Variants in ZSWIM9 observed in about 807,000 individuals in gnomAD.
The protein encoded by ZSWIM9 is uncharacterized protein ZSWIM9.
ZSWIM9 carries 11 observed loss-of-function variants against 25.0 expected under a neutral mutation model. That is an observed-to-expected ratio of 0.44 (90% CI 0.28 to 0.73). The LOEUF is 0.73. Ranked by LOEUF, ZSWIM9 falls within the 30% of genes least tolerant of loss-of-function variation. The probability of loss-of-function intolerance (pLI) is 0.16; values close to 1 mark genes in which losing one functional copy is unlikely to be tolerated. For missense variants in ZSWIM9, 1,070 were observed against 1,296.5 expected, an observed-to-expected ratio of 0.83 and a Z score of 2.68; for synonymous variants, 562 against 582.1, an observed-to-expected ratio of 0.97 and a Z score of 0.50.
In ZSWIM9 at chr19:48,195,559, G is replaced by A; in HGVS notation, c.1495G>A (p.Ala499Thr). 4.2e-6 allele frequency: 6 copies of A among 1,417,242 alleles called. No individual in the cohort carries two copies. The highest frequency in any genetic ancestry group is 5.5e-6 in the Non-Finnish European group (6 of 1,091,436). 87.8% of individuals were successfully genotyped at this position (1,417,242 alleles called of 1,614,324 possible). A position where few individuals can be genotyped will look rare whatever the true frequency, so the allele number is the denominator to read the frequency against. Residue 499 changes from alanine to threonine, a missense_variant, in exon 4 of 4, where the codon GCA (alanine) becomes ACA (threonine). Around this residue, in one of 4 missense-constraint regions of ZSWIM9, gnomAD observed 583 missense variants for 624.7 expected, o/e 0.93. Coordinates refer to ENST00000614654, the MANE Select transcript of ZSWIM9 (RefSeq NM_199341.4). This position sits in a 1 kb window ranked among gnomAD's most constrained non-coding sequence, Gnocchi z 5.8. ...CCAGATGGAGAAGGAGTGGGCAAGG[G>A]CACTGGAAACCAGAGACTGGGGCGG... ...GAQMEKEWAR[A>T]LETRDWGGAQ...
chr19:48,183,143 GTCACCCAGGCTGGAGTGCTCTA>G (rs917380579), intron 3 of ZSWIM9: 31 of 169,084 alleles, frequency 1.8e-4, no homozygotes, highest in Non-Finnish European at 3.2e-4. Context: ...GTCTCACTCT[GTCACCCAGGCTGGAGTGCTCTA>G]TCACCCAGGC....
In ZSWIM9 at chr19:48,183,489, G is replaced by C. The variant is rs1000071585; in HGVS notation, c.588+722G>C. Among the ~76,000 whole-genome samples, 11 of 152,102 alleles carry C rather than the reference G, an allele frequency of 7.2e-5. 1 individual carries two copies. In the South Asian group the frequency reaches 2.3e-3, roughly 32 times the overall value. ...CTATGGCTATTGGCTGCCTTGCAGA[G>C]GTAACTGCCAGAACGCCCCTGCAGT... On this transcript the variant is annotated intron_variant, in intron 3 of 3. Coordinates refer to ENST00000614654, the MANE Select transcript of ZSWIM9 (RefSeq NM_199341.4).
chr19:48,187,582 ATATT>A (rs1568579907), intron 3 of ZSWIM9: 69 of 67,548 alleles, frequency 1.0e-3, no homozygotes, highest in Admixed American at 2.0e-3. Flanking sequence ...TATATATTAT[ATATT>A]ATATAATATA....
chr19:48,197,174 TG>T lies in ZSWIM9; in HGVS notation c.*351del. ...GGGGGAGGGGGAGGAAGCGATCATA[TG>T]GGGAGTGTCTGGCAAGAGTAGACTG... On this transcript the variant is annotated 3_prime_UTR_variant, in exon 4 of 4. Transcript: ENST00000614654. The T allele has an allele frequency of 1.5e-6, 1 of 686,692 alleles. No individual in the cohort carries two copies. Among genetic ancestry groups the T allele is most frequent in the Non-Finnish European group, 2.6e-6 (1 of 378,404 alleles). The allele number at this position is 686,692 out of a possible 1,614,324, so 42.5% of individuals were successfully genotyped here. A position where few individuals can be genotyped will look rare whatever the true frequency, so the allele number is the denominator to read the frequency against.
At chr19:48,172,560 C>A (rs1230395348) in intron 2 of ZSWIM9, among the ~76,000 whole-genome samples, 1 of 152,184 alleles carries the variant, frequency 6.6e-6, no homozygotes, top group South Asian at 2.1e-4. Context: ...GTCACTCAGG[C>A]TGGAGTGCAA....
intron 3 of ZSWIM9, chr19:48,187,550 ATATATATTATATATAATATTATATATAT>A (rs1241877336): frequency 3.3e-5 from 1 of 30,508 alleles, no homozygotes; most frequent in Non-Finnish European, 6.7e-5. Flanking sequence ...ATATTATATT[ATATATATTATATATAATATTATATATAT>A]TATATATTAT....
Position 48,180,565 on chromosome 19 carries a change from T to C in ZSWIM9, c.276-1890T>C, listed in dbSNP as rs143736053. Among the ~76,000 whole-genome samples, 810 of 152,172 alleles carry C rather than the reference T, an allele frequency of 5.3e-3. 6 individuals carry two copies. The highest frequency in any genetic ancestry group is 0.018 in the African/African-American group (728 of 41,514). On this transcript the variant is annotated intron_variant, in intron 2 of 3. Transcript: ENST00000614654. The stretch of plus-strand genomic sequence containing the variant: ...GAACCTTTGTGATGACATTTGGGCC[T>C]ACCTGGGTAATCCAGACTCTCCCCA...
chr19:48,196,451 A>C lies in ZSWIM9; in HGVS notation c.2387A>C (p.Gln796Pro). 1.6e-6 allele frequency: 2 copies of C among 1,232,564 alleles called. No individual in the cohort carries two copies. The highest frequency in any genetic ancestry group is 2.0e-6 in the Non-Finnish European group (2 of 988,346). 76.4% of individuals were successfully genotyped at this position (1,232,564 alleles called of 1,614,324 possible). Residue 796 changes from glutamine (Q) to proline (P), a missense_variant, in exon 4 of 4, where the codon CAG becomes CCG. Around this residue, in one of 4 missense-constraint regions of ZSWIM9, gnomAD observed 583 missense variants for 624.7 expected, o/e 0.93. Transcript: ENST00000614654. ...CACCTGGCTGCAGGTGACGGCCTGCAGGAAGGAGGCGAAGATGGCCCCAGG... is the reference window on the plus strand; with the variant it reads ...CACCTGGCTGCAGGTGACGGCCTGCCGGAAGGAGGCGAAGATGGCCCCAGG... ...SEHLAAGDGL[Q>P]EGGEDGPREP...
chr19:48,194,269 A>C lies in ZSWIM9; in HGVS notation c.589-384A>C, dbSNP rs891003048. Among the ~76,000 whole-genome samples the C allele has an allele frequency of 3.3e-5, 5 of 152,080 alleles. No homozygotes were observed. The highest frequency in any genetic ancestry group is 6.5e-5 in the Admixed American group (1 of 15,272). ...GAAGGTGCATTTCTGTCCAGGTCCCAAGAACCGATGGTGATGCTGCTGGTC... is the reference window on the plus strand; with the variant it reads ...GAAGGTGCATTTCTGTCCAGGTCCCCAGAACCGATGGTGATGCTGCTGGTC... On this transcript the variant is annotated intron_variant, in intron 3 of 3. Coordinates refer to ENST00000614654, the MANE Select transcript of ZSWIM9 (RefSeq NM_199341.4). This position sits in a 1 kb window ranked among gnomAD's most constrained non-coding sequence, Gnocchi z 6.0.
chr19:48,171,391 C>T (rs1218242139), intron 1 of ZSWIM9: 1 of 985,074 alleles, frequency 1.0e-6, no homozygotes, highest in African/African-American at 1.7e-5. Context: ...AGAAGTTACT[C>T]TTGGGTGAGA....
chr19:48,192,467 A>AG (rs1186774255), intron 3 of ZSWIM9, among the ~76,000 whole-genome samples: 1 of 37,160 alleles, frequency 2.7e-5, no homozygotes, highest in Non-Finnish European at 5.4e-5. Flanking sequence ...AAAAAAAAAA[A>AG]AAAAAAAAAA....
rs1326527836 is a variant in ZSWIM9, at chr19:48,171,964, G to T, written c.162G>T (p.Ala54=). 1 of 1,535,778 alleles carries T rather than the reference G, an allele frequency of 6.5e-7. No homozygotes were observed. Among genetic ancestry groups the T allele is most frequent in the East Asian group, 2.4e-5 (1 of 40,896 alleles). Residue 54 remains alanine (A), a synonymous_variant, in exon 2 of 4, where the codon GCG becomes GCT. Coordinates refer to ENST00000614654, the MANE Select transcript of ZSWIM9 (RefSeq NM_199341.4). Reference sequence around the variant, plus strand: ...TCGTCAAGAGCTCCATGCACCTGGCGCGCTGCCGCTGGGCCAGTGCGCCCC... The same window carrying T: ...TCGTCAAGAGCTCCATGCACCTGGCTCGCTGCCGCTGGGCCAGTGCGCCCC... ...LFFVKSSMHL[A]RCRWASAPPL... is the part of the protein sequence containing the mutation.
chr19:48,194,973 T>C lies in ZSWIM9; in HGVS notation c.909T>C (p.Pro303=). 3 of 1,332,968 alleles carry C rather than the reference T, an allele frequency of 2.3e-6. No homozygotes were observed. The highest frequency in any genetic ancestry group is 2.8e-4 in the Middle Eastern group (1 of 3,528). The allele number at this position is 1,332,968 out of a possible 1,614,324, so 82.6% of individuals were successfully genotyped here. The change falls in exon 4 of 4, where the codon CCT becomes CCC. Residue 303 remains proline (P), a synonymous_variant. Coordinates refer to ENST00000614654, the MANE Select transcript of ZSWIM9 (RefSeq NM_199341.4). This position sits in a 1 kb window ranked among gnomAD's most constrained non-coding sequence, Gnocchi z 6.0. ...GGCCCGAGGTGGCGGCGCAGTTGCCTGCAGTGCGCCAGCTGCTGCCCTGCG... is the reference window on the plus strand; with the variant it reads ...GGCCCGAGGTGGCGGCGCAGTTGCCCGCAGTGCGCCAGCTGCTGCCCTGCG... ...TAGPEVAAQL[P]AVRQLLPCAR...
intron 2 of ZSWIM9, among the ~76,000 whole-genome samples, chr19:48,177,085 T>A (rs989885566): frequency 2.0e-5 from 3 of 150,028 alleles, no homozygotes; most frequent in Middle Eastern, 3.4e-3. Flanking sequence ...AAATAAAAAT[T>A]AAAAAAAAAT....
At chr19:48,180,741 T>C (rs938684698) in intron 2 of ZSWIM9, 1 of 147,656 alleles carries the variant, frequency 6.8e-6, no homozygotes, top group Admixed American at 6.7e-5. Context: ...TTCTTTTTCT[T>C]TTTTTCTTTT....
At chr19:48,186,068 T>C (rs1386485706) in intron 3 of ZSWIM9, among the ~76,000 whole-genome samples, 1 of 152,182 alleles carries the variant, frequency 6.6e-6, no homozygotes, top group East Asian at 1.9e-4. Flanking sequence ...ACAGAATGCT[T>C]AATGAGGCCA....
At position 48,182,526 on chromosome 19, in the gene ZSWIM9, C is replaced by T. The variant is rs1277231836; in HGVS notation, c.347C>T (p.Thr116Met). Residue 116 changes from threonine to methionine, a missense_variant, in exon 3 of 4, where the codon ACG (threonine) becomes ATG (methionine). Transcript: ENST00000614654. This position sits in a 1 kb window ranked among gnomAD's most constrained non-coding sequence, Gnocchi z 4.6. ...CCGCTGCGGGACCGCCTCGTGGTGA[C>T]GGAGTGCCAGCTGACCCACTCACAC... ...LSPLRDRLVVTECQLTHSHPA... is the reference protein window; with the variant it reads ...LSPLRDRLVVMECQLTHSHPA... The T allele has an allele frequency of 4.6e-6, 7 of 1,535,900 alleles. No individual in the cohort carries two copies. The highest frequency in any genetic ancestry group is 5.2e-6 in the Non-Finnish European group (6 of 1,146,742).
At chr19:48,179,413 A>G (rs1026301754) in intron 2 of ZSWIM9, among the ~76,000 whole-genome samples, 6 of 152,010 alleles carry the variant, frequency 3.9e-5, no homozygotes, top group African/African-American at 1.5e-4. Flanking sequence ...AGGTGAAGTG[A>G]TCCTCCTGCC....
At chr19:48,176,991 C>G (rs1167157267) in intron 2 of ZSWIM9, among the ~76,000 whole-genome samples, 2 of 151,808 alleles carry the variant, frequency 1.3e-5, no homozygotes, top group Non-Finnish European at 2.9e-5. Context: ...AGGAGAATTG[C>G]TTGATCCTGG....
Sources: allele counts gnomAD v4.1 joint callset (sites outside exome capture counted in the v4.1 genomes callset), GRCh38; gene constraint gnomAD v4.1.1; regional missense constraint gnomAD v4.1.1; non-coding constraint Gnocchi (gnomAD v3.1); transcripts MANE v1.5; gene names NCBI Gene and HGNC (gene_info 2026-07-23, HGNC 2026-07-21).